The following NTM variants were observed in gnomAD, a reference collection of about 807,000 sequenced individuals.
The protein encoded by NTM is IgLON family member 2.
In NTM, 13 loss-of-function variants were observed where a neutral mutation model predicts 42.1. The ratio of observed to expected loss-of-function variants is 0.31; its 90% CI spans 0.20 to 0.49. NTM has a LOEUF of 0.49. Among genes scored for constraint, NTM ranks in the 20% least tolerant of loss-of-function variants. NTM has a pLI of 0.99. For synonymous variants in NTM, 187 were observed against 179.2 expected (o/e 1.04, Z -0.35); for missense variants, 373 against 452.8 (o/e 0.82, Z 1.60).
chr11:131,858,553 G>T (rs1004470998), intron 1 of NTM, among the ~76,000 whole-genome samples: 1 of 152,164 alleles, frequency 6.6e-6, no homozygotes, highest in Admixed American at 6.5e-5. Flanking sequence ...TTTTCCGCAC[G>T]CTGGTGGGCT....
In NTM at chr11:132,102,788, C is replaced by T. The variant is rs886692556; in HGVS notation, c.168-43494C>T. 6.8e-4 allele frequency among the ~76,000 whole-genome samples: 104 copies of T among 152,238 alleles called. 1 individual carries two copies. Among genetic ancestry groups the T allele is most frequent in the African/African-American group, 2.4e-3 (99 of 41,556 alleles). Reference sequence around the variant, plus strand: ...GATGCCATGCATTTCTGGGAGTGCCCCATGAGCCCACACTGACCTTAGACA... The same window carrying T: ...GATGCCATGCATTTCTGGGAGTGCCTCATGAGCCCACACTGACCTTAGACA... On this transcript the variant is annotated intron_variant, in intron 2 of 8. Transcript: ENST00000683400.
intron 2 of NTM, among the ~76,000 whole-genome samples, chr11:131,944,397 G>A (rs1360960703): frequency 6.6e-6 from 1 of 152,326 alleles, no homozygotes; most frequent in African/African-American, 2.4e-5. Flanking sequence ...GGGGGCTCAG[G>A]CAGGTCACTG....
At chr11:132,217,112 C>T (rs2084008225) in intron 4 of NTM, among the ~76,000 whole-genome samples, 1 of 152,182 alleles carries the variant, frequency 6.6e-6, no homozygotes. Context: ...TAGTGGGCAT[C>T]TGGCCCTTTT....
At chr11:131,385,465 T>C (rs1402753276) in intron 1 of NTM, 2 of 151,996 alleles carry the variant, frequency 1.3e-5, no homozygotes, top group East Asian at 3.9e-4. Context: ...AAAATAAATA[T>C]TGGTGAGGAT....
chr11:132,330,200 C>T lies in NTM; in HGVS notation c.967+15C>T, dbSNP rs906303939. 5 of 1,551,482 alleles carry T rather than the reference C, an allele frequency of 3.2e-6. No individual in the cohort carries two copies. Among genetic ancestry groups the T allele is most frequent in the Non-Finnish European group, 4.4e-6 (5 of 1,146,806 alleles). ...CCCTTGGAAAGGTTTGTATATTTTT[C>T]AGACAGCTGCTGCCTTGGTGGGTGT... is the stretch of plus-strand genomic sequence containing the variant. On this transcript the variant is annotated intron_variant, in intron 8 of 8. Transcript: ENST00000683400.
chr11:132,069,672 GACCA>G, intron 2 of NTM, among the ~76,000 whole-genome samples: 3 of 149,058 alleles, frequency 2.0e-5, no homozygotes, highest in African/African-American at 7.5e-5. Context: ...ACGTCACACT[GACCA>G]TCACAGGTTA....
At chr11:131,524,462 C>T (rs535215503) in intron 1 of NTM, among the ~76,000 whole-genome samples, 1 of 152,190 alleles carries the variant, frequency 6.6e-6, no homozygotes, top group African/African-American at 2.4e-5. Flanking sequence ...CACCTCTCAG[C>T]GACAGGACTA....
intron 1 of NTM, among the ~76,000 whole-genome samples, chr11:131,373,823 C>T (rs1941558636): frequency 6.6e-6 from 1 of 152,200 alleles, no homozygotes; most frequent in Non-Finnish European, 1.5e-5. Context: ...CTCACCTCTC[C>T]TCACATCCCG....
chr11:132,163,934 C>A (rs61905984), intron 3 of NTM, among the ~76,000 whole-genome samples: 36,625 of 151,842 alleles, frequency 0.24, 5,740 homozygotes, highest in Non-Finnish European at 0.35. Context: ...CTGTTGTTTA[C>A]CCATGTTGAG....
rs1371772775 is a variant in NTM at position 132,231,308 on chromosome 11, G to C, written c.526+19161G>C. Among the ~76,000 whole-genome samples the C allele has an allele frequency of 2.0e-5, 3 of 152,314 alleles. No individual in the cohort carries two copies. The East Asian group carries it at 5.8e-4, about 29-fold the overall frequency. On this transcript the variant is annotated intron_variant, in intron 4 of 8. Coordinates refer to ENST00000683400, the MANE Select transcript of NTM (RefSeq NM_001352005.2). ...CAAGGGCTACCATTTTCTTTTGGCA[G>C]TGTTTCCAAGTCTCCATGTCCCCTC...
At chr11:132,244,360 A>C (rs2090723414) in intron 4 of NTM, among the ~76,000 whole-genome samples, 1 of 152,184 alleles carries the variant, frequency 6.6e-6, no homozygotes, top group Non-Finnish European at 1.5e-5. Context: ...AGCTGCGAGG[A>C]AAGGTGAGCT....
At chr11:131,795,727 G>C in intron 1 of NTM, 1 of 985,394 alleles carries the variant, frequency 1.0e-6, no homozygotes, top group Non-Finnish European at 1.2e-6. Flanking sequence ...ATTGCCTGAG[G>C]TGGTGACAGT....
At chr11:131,862,205 G>A (rs1380998381) in intron 1 of NTM, among the ~76,000 whole-genome samples, 1 of 152,190 alleles carries the variant, frequency 6.6e-6, no homozygotes, top group African/African-American at 2.4e-5. Context: ...CCCTGTGGAG[G>A]AGGGAACATG....
At chr11:132,215,839 T>C (rs1395228598) in intron 4 of NTM, among the ~76,000 whole-genome samples, 1 of 152,242 alleles carries the variant, frequency 6.6e-6, no homozygotes. Flanking sequence ...GACCTTGGTC[T>C]TTTCAGGAGG....
At chr11:131,942,908 C>T (rs377616628) in intron 2 of NTM, among the ~76,000 whole-genome samples, 4 of 150,988 alleles carry the variant, frequency 2.6e-5, no homozygotes, top group East Asian at 3.9e-4. Flanking sequence ...ATCTGGCCAC[C>T]GCACTCCAGT....
At chr11:131,941,616 CAG>C (rs2059801493) in intron 2 of NTM, among the ~76,000 whole-genome samples, 1 of 152,176 alleles carries the variant, frequency 6.6e-6, no homozygotes, top group Non-Finnish European at 1.5e-5. Context: ...GGAACAAAAA[CAG>C]GGTAAATGAA....
intron 2 of NTM, among the ~76,000 whole-genome samples, chr11:132,020,762 C>A (rs1374727729): frequency 6.6e-6 from 1 of 152,108 alleles, no homozygotes. Flanking sequence ...CCATCTTAAA[C>A]TTCTCAGTGT....
At chr11:131,800,917 G>A (rs996444267) in intron 1 of NTM, among the ~76,000 whole-genome samples, 1 of 152,132 alleles carries the variant, frequency 6.6e-6, no homozygotes, top group African/African-American at 2.4e-5. Context: ...TCTTTCACAT[G>A]GATGTTTGAA....
At chr11:132,216,029 T>C (rs746541436) in intron 4 of NTM, among the ~76,000 whole-genome samples, 11 of 152,252 alleles carry the variant, frequency 7.2e-5, no homozygotes, top group Non-Finnish European at 1.5e-4. Context: ...AACTGCCCAC[T>C]GTGCCTGGTG....
Sources: allele counts gnomAD v4.1 joint callset (sites outside exome capture counted in the v4.1 genomes callset), GRCh38; gene constraint gnomAD v4.1.1; transcripts MANE v1.5; gene names NCBI Gene and HGNC (gene_info 2026-07-23, HGNC 2026-07-21).